Variants in C5orf63 observed in about 807,000 individuals in gnomAD.
C5orf63 encodes glutaredoxin-like protein C5orf63.
A neutral mutation model predicts 13.3 loss-of-function variants in C5orf63; 18 were observed. The observed-to-expected ratio is 1.36, with a 90% confidence interval of 0.94 to 2.01. C5orf63 has a LOEUF of 2.01. Among genes scored for constraint, C5orf63 ranks in the 30% most tolerant of loss-of-function variants. The probability of loss-of-function intolerance (pLI) is 0.00; values close to 1 mark genes in which losing one functional copy is unlikely to be tolerated. For missense variants in C5orf63, 118 were observed against 127.7 expected (o/e 0.92, Z 0.36); for synonymous variants, 38 against 44.7 (o/e 0.85, Z 0.60).
intron 1 of C5orf63, among the ~76,000 whole-genome samples, chr5:127,072,883 C>T (rs1387305757): frequency 6.6e-6 from 1 of 152,180 alleles, no homozygotes; most frequent in Admixed American, 6.5e-5. Context: ...GATTTATTCT[C>T]TCATTGTTCA....
At position 127,073,452 on chromosome 5, in the gene C5orf63, T is replaced by A. The variant is rs1384733398; in HGVS notation, c.-111A>T. On this transcript the variant is annotated splice_region_variant and 5_prime_UTR_variant, in exon 1 of 5. Coordinates refer to ENST00000296662, the MANE Select transcript of C5orf63 (RefSeq NM_001164478.2). ...CGGCGCGGGACTAAGGGAACCCACC[T>A]GAGCCTCACGCCGCCAACGCCTCTG... 1 of 152,338 alleles carries A rather than the reference T, an allele frequency of 6.6e-6. No homozygotes were observed. Among genetic ancestry groups the A allele is most frequent in the Non-Finnish European group, 1.5e-5 (1 of 68,128 alleles). 9.4% of individuals were successfully genotyped at this position (152,338 alleles called of 1,614,324 possible). A position where few individuals can be genotyped will look rare whatever the true frequency, so the allele number is the denominator to read the frequency against.
chr5:127,063,584 C>T (rs1265691234), intron 2 of C5orf63, among the ~76,000 whole-genome samples: 2 of 152,216 alleles, frequency 1.3e-5, no homozygotes, highest in Non-Finnish European at 2.9e-5. Context: ...TGTGATCCCT[C>T]ATCAGCAAGC....
chr5:127,066,984 A>T (rs1362393842), intron 2 of C5orf63, among the ~76,000 whole-genome samples: 1 of 152,210 alleles, frequency 6.6e-6, no homozygotes, highest in African/African-American at 2.4e-5. Flanking sequence ...GCTTGTCTAG[A>T]ACAGGGACAG....
At chr5:127,047,968 T>TG (rs2126878176), downstream of C5orf63, 4 of 636,914 alleles carry the variant, frequency 6.3e-6, no homozygotes, top group South Asian at 7.4e-5. Flanking sequence ...ATTTCAGTGG[T>TG]GGAGTTGTAT....
At chr5:127,063,408 A>G (rs1329375398) in intron 2 of C5orf63, among the ~76,000 whole-genome samples, 1 of 152,220 alleles carries the variant, frequency 6.6e-6, no homozygotes, top group Non-Finnish European at 1.5e-5. Flanking sequence ...TGCCCAGGCT[A>G]TGGCTGCACA....
downstream of C5orf63, chr5:127,043,499 G>A (rs1753451287): frequency 6.6e-6 from 1 of 152,194 alleles, no homozygotes; most frequent in Admixed American, 6.5e-5. Context: ...GAGAATCCAT[G>A]CAGAACAAAA....
intron 3 of C5orf63, among the ~76,000 whole-genome samples, chr5:127,057,473 G>A (rs1389755394): frequency 6.6e-6 from 1 of 152,202 alleles, no homozygotes; most frequent in African/African-American, 2.4e-5. Flanking sequence ...ATTTCAGGGA[G>A]ATAAAGCTGT....
intron 3 of C5orf63, among the ~76,000 whole-genome samples, chr5:127,058,226 A>T (rs138748048): frequency 6.6e-6 from 1 of 152,114 alleles, no homozygotes; most frequent in South Asian, 2.1e-4. Context: ...GGTGTCTATC[A>T]TTCCCCTCTT....
chr5:127,042,809 G>A (rs1258446099), downstream of C5orf63: 1 of 152,156 alleles, frequency 6.6e-6, no homozygotes, highest in Non-Finnish European at 1.5e-5. Flanking sequence ...CCCTTATGGT[G>A]AAGCGATGTC....
At chr5:127,068,462 A>G (rs1030909602) in intron 2 of C5orf63, among the ~76,000 whole-genome samples, 1 of 152,160 alleles carries the variant, frequency 6.6e-6, no homozygotes, top group Admixed American at 6.5e-5. Context: ...AGGTGACACT[A>G]AGGCACTCAT....
chr5:127,064,260 A>C (rs1754233993), intron 2 of C5orf63, among the ~76,000 whole-genome samples: 1 of 152,178 alleles, frequency 6.6e-6, no homozygotes, highest in Non-Finnish European at 1.5e-5. Flanking sequence ...ACACAGAGGG[A>C]AAATGAAGCT....
downstream of C5orf63, among the ~76,000 whole-genome samples, chr5:127,048,297 AC>A: frequency 6.7e-6 from 1 of 149,336 alleles, no homozygotes; most frequent in Non-Finnish European, 1.5e-5. Flanking sequence ...ACACAAACTT[AC>A]TTTACTTCCC....
At chr5:127,045,541 C>T (rs1753504076) in exon 5 of C5orf63, 1 of 152,136 alleles carries the variant, frequency 6.6e-6, no homozygotes, top group Non-Finnish European at 1.5e-5. Context: ...ATAATTTTCC[C>T]ATCTCAAGAT....
intron 3 of C5orf63, among the ~76,000 whole-genome samples, chr5:127,052,951 T>C (rs1358622922): frequency 6.6e-6 from 1 of 152,226 alleles, no homozygotes; most frequent in African/African-American, 2.4e-5. Context: ...TACATACATA[T>C]AGATGTTTCT....
downstream of C5orf63, among the ~76,000 whole-genome samples, chr5:127,048,547 C>T (rs138303387): frequency 8.8e-4 from 134 of 152,040 alleles, no homozygotes; most frequent in African/African-American, 2.9e-3. Flanking sequence ...TTAAAAAACT[C>T]CTCCAAAGAT....
chr5:127,048,002 T>C, downstream of C5orf63: 3 of 611,986 alleles, frequency 4.9e-6, no homozygotes, highest in Non-Finnish European at 8.7e-6. Flanking sequence ...CTGGACCCAA[T>C]AAACAGTTAA....
intron 1 of C5orf63, among the ~76,000 whole-genome samples, chr5:127,072,451 T>A (rs762058526): frequency 6.6e-6 from 1 of 152,196 alleles, no homozygotes; most frequent in South Asian, 2.1e-4. Context: ...GACTGCGACC[T>A]CTAATAGACA....
chr5:127,050,126 C>G (rs1753621703), downstream of C5orf63, among the ~76,000 whole-genome samples: 1 of 152,120 alleles, frequency 6.6e-6, no homozygotes. Context: ...TCAGGCCCAG[C>G]CAGGATAATT....
intron 2 of C5orf63, among the ~76,000 whole-genome samples, chr5:127,067,571 T>C (rs1274155471): frequency 6.6e-6 from 1 of 152,210 alleles, no homozygotes; most frequent in East Asian, 1.9e-4. Context: ...CACCAGGTAT[T>C]GGCTTAAACT....
Sources: allele counts gnomAD v4.1 joint callset (sites outside exome capture counted in the v4.1 genomes callset), GRCh38; gene constraint gnomAD v4.1.1; transcripts MANE v1.5; gene names NCBI Gene and HGNC (gene_info 2026-07-23, HGNC 2026-07-21).